The following ROBO2 variants were observed in gnomAD, a reference collection of about 807,000 sequenced individuals.
The protein encoded by ROBO2 is roundabout homolog 2.
ROBO2 carries 53 observed loss-of-function variants against 160.8 expected under a neutral mutation model. That is an observed-to-expected ratio of 0.33 (90% CI 0.26 to 0.41). The LOEUF (loss-of-function observed/expected upper bound fraction) is 0.41, where lower values mean the gene tolerates loss of function less well. ROBO2 is among the 10% of genes least tolerant of loss of function. ROBO2 has a pLI of 1.00. For missense variants in ROBO2, 1,577 were observed against 1,722.4 expected (o/e 0.92, Z 1.49); for synonymous variants, 664 against 611.7 (o/e 1.09, Z -1.26).
rs147050907 is a variant in ROBO2, at chr3:77,605,196, A to G, written c.3137-2602A>G. On this transcript the variant is annotated intron_variant, in intron 20 of 25. Coordinates refer to ENST00000461745, the Ensembl canonical transcript of ROBO2. ...AAAAAAAAGTATATATATAGTATAT[A>G]TATACATATATATTAATATACACAC... Among the ~76,000 whole-genome samples, 40 of 149,650 alleles carry G rather than the reference A, an allele frequency of 2.7e-4. No homozygotes were observed. The East Asian group carries it at 5.4e-3, about 20-fold the overall frequency.
intron 2 of ROBO2, among the ~76,000 whole-genome samples, chr3:76,320,400 G>A (rs1312773135): frequency 6.6e-6 from 1 of 152,116 alleles, no homozygotes; most frequent in Non-Finnish European, 1.5e-5. Flanking sequence ...ATGAGGTACA[G>A]AAATTCATTC....
At chr3:77,444,152 CT>C (rs2080233040) in intron 2 of ROBO2, among the ~76,000 whole-genome samples, 1 of 152,096 alleles carries the variant, frequency 6.6e-6, no homozygotes, top group South Asian at 2.1e-4. Flanking sequence ...TTCAAGAATA[CT>C]ATGGAATAGC....
At chr3:76,164,847 C>G (rs1186932701) in intron 2 of ROBO2, among the ~76,000 whole-genome samples, 1 of 85,758 alleles carries the variant, frequency 1.2e-5, no homozygotes, top group Non-Finnish European at 2.5e-5. Context: ...AAAGAAATGC[C>G]TGGGGCCTGG....
At chr3:76,548,109 A>G (rs929826138) in intron 2 of ROBO2, among the ~76,000 whole-genome samples, 1 of 152,130 alleles carries the variant, frequency 6.6e-6, no homozygotes, top group African/African-American at 2.4e-5. Flanking sequence ...TGGTAAGGTA[A>G]ATTCATCATG....
chr3:77,546,307 T>C lies in ROBO2; in HGVS notation c.935-31T>C, dbSNP rs375381925. ...TATTTTTATTTGTCTATGGTTGATA[T>C]TTACACGCTTTCTTTTCTTTTAAAT... On this transcript the variant is annotated intron_variant, in intron 6 of 25. Coordinates refer to ENST00000461745, the Ensembl canonical transcript of ROBO2. 3.2e-5 allele frequency: 51 copies of C among 1,611,526 alleles called. 1 individual carries two copies. The African/African-American group carries it at 6.0e-4, about 19-fold the overall frequency.
chr3:76,807,706 C>G (rs978015650), intron 2 of ROBO2, among the ~76,000 whole-genome samples: 2 of 151,928 alleles, frequency 1.3e-5, no homozygotes, highest in Admixed American at 6.6e-5. Flanking sequence ...AAGGAGTATG[C>G]ATAATGTTTT....
chr3:76,870,207 C>T (rs1490585864), intron 2 of ROBO2, among the ~76,000 whole-genome samples: 2 of 152,080 alleles, frequency 1.3e-5, no homozygotes, highest in East Asian at 1.9e-4. Context: ...AGAGACAAAC[C>T]GCTATGTGGC....
At chr3:76,853,931 C>A (rs2069701180) in intron 2 of ROBO2, among the ~76,000 whole-genome samples, 1 of 151,632 alleles carries the variant, frequency 6.6e-6, no homozygotes, top group Non-Finnish European at 1.5e-5. Flanking sequence ...TCACCCAAGG[C>A]CCCTAACAGA....
At chr3:77,381,859 T>A (rs570167595) in intron 2 of ROBO2, among the ~76,000 whole-genome samples, 105 of 152,282 alleles carry the variant, frequency 6.9e-4, no homozygotes, top group Non-Finnish European at 1.3e-3. Flanking sequence ...TAAACCAGAG[T>A]ACATTTATCC....
chr3:76,552,036 A>T (rs1195457293), intron 2 of ROBO2, among the ~76,000 whole-genome samples: 4 of 152,154 alleles, frequency 2.6e-5, no homozygotes, highest in Non-Finnish European at 4.4e-5. Flanking sequence ...TGCCAGCCAC[A>T]GAGGTTTCCG....
At chr3:76,456,231 C>G (rs559737189) in intron 2 of ROBO2, among the ~76,000 whole-genome samples, 18 of 152,244 alleles carry the variant, frequency 1.2e-4, no homozygotes, top group African/African-American at 4.3e-4. Context: ...AATGTTGCAA[C>G]TGCAAAGATA....
At chr3:77,298,631 T>G (rs2062366743) in intron 2 of ROBO2, among the ~76,000 whole-genome samples, 1 of 152,124 alleles carries the variant, frequency 6.6e-6, no homozygotes, top group Admixed American at 6.6e-5. Flanking sequence ...TTGTAATAGC[T>G]GCACTGTAAC....
chr3:77,139,668 T>G (rs2076551254), intron 2 of ROBO2, among the ~76,000 whole-genome samples: 1 of 152,226 alleles, frequency 6.6e-6, no homozygotes, highest in Non-Finnish European at 1.5e-5. Flanking sequence ...AGTATGTTGG[T>G]ATTATTACCA....
At chr3:76,985,866 G>A (rs2060353243) in intron 2 of ROBO2, among the ~76,000 whole-genome samples, 1 of 152,126 alleles carries the variant, frequency 6.6e-6, no homozygotes, top group South Asian at 2.1e-4. Context: ...AGAGCTTGTG[G>A]TCCTGGGACC....
chr3:77,240,378 C>G (rs898929240), intron 2 of ROBO2, among the ~76,000 whole-genome samples: 1 of 152,158 alleles, frequency 6.6e-6, no homozygotes, highest in Non-Finnish European at 1.5e-5. Context: ...TCGCCCGCTC[C>G]GAGTGGGCCC....
chr3:76,570,527 A>G (rs1032639838), intron 2 of ROBO2, among the ~76,000 whole-genome samples: 14 of 152,244 alleles, frequency 9.2e-5, no homozygotes, highest in Admixed American at 5.9e-4. Flanking sequence ...AAAGCACACA[A>G]TCTTTTAAAA....
chr3:76,559,006 C>G (rs1242032554), intron 2 of ROBO2, among the ~76,000 whole-genome samples: 1 of 152,082 alleles, frequency 6.6e-6, no homozygotes, highest in African/African-American at 2.4e-5. Flanking sequence ...TTAAAGACCA[C>G]ATATCCAGGG....
chr3:76,191,014 G>A (rs774891323), intron 2 of ROBO2, among the ~76,000 whole-genome samples: 45 of 152,128 alleles, frequency 3.0e-4, no homozygotes, highest in Middle Eastern at 3.4e-3. Context: ...TATATTAATC[G>A]CACATTAAGA....
intron 2 of ROBO2, among the ~76,000 whole-genome samples, chr3:76,182,488 A>G (rs903754105): frequency 2.6e-5 from 4 of 152,090 alleles, no homozygotes; most frequent in African/African-American, 7.2e-5. Context: ...AGGTTGTGTT[A>G]CCCTACTTAG....
Sources: allele counts gnomAD v4.1 joint callset (sites outside exome capture counted in the v4.1 genomes callset), GRCh38; gene constraint gnomAD v4.1.1; transcripts MANE v1.5; gene names NCBI Gene and HGNC (gene_info 2026-07-23, HGNC 2026-07-21).